The following SLC2A13 variants were observed in gnomAD, a reference collection of about 807,000 sequenced individuals.
SLC2A13 encodes proton myo-inositol cotransporter.
In SLC2A13, 32 loss-of-function variants were observed where a neutral mutation model predicts 64.4. The ratio of observed to expected loss-of-function variants is 0.50; its 90% CI spans 0.37 to 0.67. The LOEUF (loss-of-function observed/expected upper bound fraction) is 0.67, where lower values mean the gene tolerates loss of function less well. SLC2A13 is among the 30% of genes least tolerant of loss of function. The pLI is 0.00. For synonymous variants in SLC2A13, 338 were observed against 327.1 expected, an observed-to-expected ratio of 1.03 and a Z score of -0.36; for missense variants, 743 against 829.2, an observed-to-expected ratio of 0.90 and a Z score of 1.28.
chr12:40,024,866 A>G (rs1947778595), intron 3 of SLC2A13, among the ~76,000 whole-genome samples: 1 of 152,202 alleles, frequency 6.6e-6, no homozygotes, highest in Non-Finnish European at 1.5e-5. Flanking sequence ...AAACCTAAAA[A>G]GAAACTGAGG....
At chr12:39,973,369 T>C (rs12810368) in intron 3 of SLC2A13, among the ~76,000 whole-genome samples, 31,270 of 152,152 alleles carry the variant, frequency 0.21, 3,445 homozygotes, top group Admixed American at 0.24. Context: ...GTTCAGTCTC[T>C]TTTTCTGGAT....
chr12:39,896,438 A>G (rs1041956886), intron 4 of SLC2A13, among the ~76,000 whole-genome samples: 1 of 143,958 alleles, frequency 6.9e-6, no homozygotes, highest in African/African-American at 2.6e-5. Flanking sequence ...ATATGTATAC[A>G]TATATGTATA....
At chr12:39,931,342 C>G (rs1565547913) in intron 4 of SLC2A13, among the ~76,000 whole-genome samples, 1 of 152,188 alleles carries the variant, frequency 6.6e-6, no homozygotes. Flanking sequence ...GAGACCAGAG[C>G]TCTCATTACC....
intron 1 of SLC2A13, among the ~76,000 whole-genome samples, chr12:40,085,050 A>G (rs1240509506): frequency 6.6e-6 from 1 of 152,190 alleles, no homozygotes; most frequent in African/African-American, 2.4e-5. Flanking sequence ...CTTCTTTAAA[A>G]GGTGAAAAGG....
intron 4 of SLC2A13, among the ~76,000 whole-genome samples, chr12:39,890,853 A>C (rs1318881959): frequency 6.6e-6 from 1 of 152,170 alleles, no homozygotes; most frequent in African/African-American, 2.4e-5. Context: ...TTTTAAAATA[A>C]TATGAGAAAA....
intron 4 of SLC2A13, among the ~76,000 whole-genome samples, chr12:39,883,031 C>A (rs1455543194): frequency 1.3e-5 from 2 of 152,142 alleles, no homozygotes; most frequent in Non-Finnish European, 2.9e-5. Context: ...GTTCATATGG[C>A]TTTCCACCTC....
chr12:40,054,691 A>C (rs1449914929), intron 1 of SLC2A13, among the ~76,000 whole-genome samples: 1 of 152,210 alleles, frequency 6.6e-6, no homozygotes, highest in South Asian at 2.1e-4. Context: ...CACCATCTCA[A>C]CAGCACAAAA....
In SLC2A13 at chr12:40,022,073, T is replaced by C. The variant is rs549208150; in HGVS notation, c.925+6228A>G. On this transcript the variant is annotated intron_variant, in intron 3 of 9. Transcript: ENST00000280871. ...AAAGAGATGCAGCTGTCCCTTCCTATACATGACAGACATGACCCCCAAGGA... is the reference window on the plus strand; with the variant it reads ...AAAGAGATGCAGCTGTCCCTTCCTACACATGACAGACATGACCCCCAAGGA... 9.2e-5 allele frequency among the ~76,000 whole-genome samples: 14 copies of C among 152,238 alleles called. No individual in the cohort carries two copies. The South Asian group carries it at 2.7e-3, about 29-fold the overall frequency.
chr12:39,862,517 T>C (rs1201941294), intron 6 of SLC2A13, among the ~76,000 whole-genome samples: 1 of 152,216 alleles, frequency 6.6e-6, no homozygotes, highest in East Asian at 1.9e-4. Flanking sequence ...TAGAATAGAA[T>C]ATGATGTTAC....
chr12:39,949,825 T>G (rs777821640), intron 4 of SLC2A13: 1 of 152,224 alleles, frequency 6.6e-6, no homozygotes, highest in Non-Finnish European at 1.5e-5. Context: ...ATTTAATTAT[T>G]TGATGCTTGG....
intron 7 of SLC2A13, among the ~76,000 whole-genome samples, chr12:39,826,252 G>A (rs1209249130): frequency 6.6e-6 from 1 of 151,560 alleles, no homozygotes; most frequent in Non-Finnish European, 1.5e-5. Context: ...GTCTCTGCTT[G>A]TTTTTGTTTT....
intron 4 of SLC2A13, among the ~76,000 whole-genome samples, chr12:39,879,694 T>C (rs1157695165): frequency 1.4e-4 from 22 of 152,210 alleles, no homozygotes; most frequent in Admixed American, 1.2e-3. Flanking sequence ...ACTTGATTTT[T>C]ATTTTACAGG....
intron 6 of SLC2A13, among the ~76,000 whole-genome samples, chr12:39,842,547 A>G (rs1943203392): frequency 6.6e-6 from 1 of 152,062 alleles, no homozygotes; most frequent in Non-Finnish European, 1.5e-5. Flanking sequence ...TACACTCCCC[A>G]GTAAAATGGA....
intron 3 of SLC2A13, among the ~76,000 whole-genome samples, chr12:39,975,994 T>A (rs1946750940): frequency 1.3e-5 from 2 of 152,200 alleles, no homozygotes; most frequent in African/African-American, 4.8e-5. Flanking sequence ...TAACTGCTAA[T>A]CAAAACAGTG....
intron 1 of SLC2A13, among the ~76,000 whole-genome samples, chr12:40,093,292 C>T (rs1204742609): frequency 6.6e-6 from 1 of 152,196 alleles, no homozygotes; most frequent in African/African-American, 2.4e-5. Flanking sequence ...CCATCCACTA[C>T]ACAAATTTCC....
chr12:40,088,837 T>C (rs1938671912), intron 1 of SLC2A13, among the ~76,000 whole-genome samples: 1 of 152,154 alleles, frequency 6.6e-6, no homozygotes, highest in Non-Finnish European at 1.5e-5. Context: ...TGGTGAAGTA[T>C]GTTTTTTAAC....
intron 1 of SLC2A13, among the ~76,000 whole-genome samples, chr12:40,065,827 G>A (rs1340983867): frequency 2.6e-5 from 4 of 152,162 alleles, no homozygotes; most frequent in Non-Finnish European, 1.5e-5. Flanking sequence ...TTTTACATAA[G>A]TGTTTTATTT....
intron 4 of SLC2A13, among the ~76,000 whole-genome samples, chr12:39,920,211 T>C (rs1456429477): frequency 6.6e-6 from 1 of 152,142 alleles, no homozygotes; most frequent in Non-Finnish European, 1.5e-5. Context: ...ATGTATTTTT[T>C]AACCTTTTTT....
chr12:40,083,924 G>A (rs1307059654), intron 1 of SLC2A13, among the ~76,000 whole-genome samples: 1 of 152,178 alleles, frequency 6.6e-6, no homozygotes, highest in Non-Finnish European at 1.5e-5. Context: ...AATCAGTGGA[G>A]AGACAGGCTG....
Sources: gnomAD v4.1 joint callset for allele counts (sites outside exome capture counted in the v4.1 genomes callset) on GRCh38, gnomAD v4.1.1 for gene constraint, MANE v1.5 for transcripts, NCBI Gene and HGNC (gene_info 2026-07-23, HGNC 2026-07-21) for gene names.